The following SCAND3 variants were observed in gnomAD, a reference collection of about 807,000 sequenced individuals.
SCAND3 encodes SCAN domain containing 3, also known as SCAN domain-containing protein 3.
chr6:28,589,247 C>G, the SCAND3 span: 1 of 152,216 alleles, frequency 6.6e-6, no homozygotes, highest in African/African-American at 2.4e-5. Flanking sequence ...TCTTCAGCAG[C>G]AAAGCGTCAG....
the SCAND3 span, among the ~76,000 whole-genome samples, chr6:28,593,858 C>T: frequency 6.3e-3 from 963 of 152,226 alleles, 7 homozygotes; most frequent in Middle Eastern, 0.017. Flanking sequence ...GCATGCGCCA[C>T]CATTCCCCGC....
chr6:28,595,813 G>A, the SCAND3 span, among the ~76,000 whole-genome samples: 1 of 152,042 alleles, frequency 6.6e-6, no homozygotes, highest in South Asian at 2.1e-4. Context: ...ACCAACATAG[G>A]AAACATCTGA....
the SCAND3 span, among the ~76,000 whole-genome samples, chr6:28,595,325 A>T: frequency 8.9e-6 from 1 of 112,984 alleles, no homozygotes. Flanking sequence ...AGCAAAACCC[A>T]GTCTCAAAAA....
At chr6:28,612,263 T>C in the SCAND3 span, among the ~76,000 whole-genome samples, 49 of 152,148 alleles carry the variant, frequency 3.2e-4, no homozygotes, top group South Asian at 6.6e-3. Context: ...TGGTCTCGAT[T>C]TCCTGAGCTC....
the SCAND3 span, among the ~76,000 whole-genome samples, chr6:28,595,353 A>AAAG: frequency 2.3e-3 from 329 of 144,648 alleles, 1 homozygote; most frequent in Non-Finnish European, 4.0e-3. Context: ...AAAAAAAAAA[A>AAAG]AAGAAGAAGA....
At chr6:28,615,592 C>A in the SCAND3 span, among the ~76,000 whole-genome samples, 1 of 85,486 alleles carries the variant, frequency 1.2e-5, no homozygotes, top group African/African-American at 4.2e-5. Context: ...CAGAGAGAGA[C>A]TCCATCTCAA....
At chr6:28,613,568 G>C in the SCAND3 span, among the ~76,000 whole-genome samples, 1 of 152,104 alleles carries the variant, frequency 6.6e-6, no homozygotes, top group African/African-American at 2.4e-5. Flanking sequence ...CTTCAATTCA[G>C]TGGACATGTA....
the SCAND3 span, among the ~76,000 whole-genome samples, chr6:28,595,373 A>G: frequency 6.7e-6 from 1 of 149,520 alleles, no homozygotes. Context: ...AAGAAGAAGA[A>G]GAGGACGAGG....
chr6:28,607,201 T>G, the SCAND3 span, among the ~76,000 whole-genome samples: 2 of 152,132 alleles, frequency 1.3e-5, no homozygotes, highest in Non-Finnish European at 2.9e-5. Flanking sequence ...ATGTACGAGG[T>G]CCCGGGTTCA....
the SCAND3 span, chr6:28,586,254 T>C: frequency 6.6e-7 from 1 of 1,509,164 alleles, no homozygotes; most frequent in African/African-American, 1.4e-5. The surrounding 1 kb of genome is among the most constrained non-coding windows in gnomAD (Gnocchi z 4.4). Flanking sequence ...TCTGGATCCA[T>C]GCACCCAAAT....
the SCAND3 span, among the ~76,000 whole-genome samples, chr6:28,576,719 T>C: frequency 6.6e-6 from 1 of 151,726 alleles, no homozygotes; most frequent in Non-Finnish European, 1.5e-5. Flanking sequence ...CTGTTTTATG[T>C]AAAATAGGAT....
At chr6:28,586,689 G>T in the SCAND3 span, 1 of 1,613,886 alleles carries the variant, frequency 6.2e-7, no homozygotes, top group South Asian at 1.1e-5. The surrounding 1 kb of genome is among the most constrained non-coding windows in gnomAD (Gnocchi z 4.4). Flanking sequence ...GCCAGCCAAG[G>T]CTGGGAAGAC....
the SCAND3 span, among the ~76,000 whole-genome samples, chr6:28,613,938 G>C: frequency 6.6e-6 from 1 of 151,776 alleles, no homozygotes; most frequent in African/African-American, 2.4e-5. Flanking sequence ...TCACAGGGGC[G>C]GTTTAACAAT....
chr6:28,585,914 T>C, the SCAND3 span, among the ~76,000 whole-genome samples: 1 of 152,186 alleles, frequency 6.6e-6, no homozygotes, highest in East Asian at 1.9e-4. Flanking sequence ...ATGAAGACAT[T>C]AATGTCCCAG....
chr6:28,595,310 G>A, the SCAND3 span, among the ~76,000 whole-genome samples: 2 of 103,532 alleles, frequency 1.9e-5, no homozygotes, highest in Non-Finnish European at 3.5e-5. Flanking sequence ...CAGCCTCGGT[G>A]TTAGAGCAAA....
chr6:28,613,585 C>G, the SCAND3 span, among the ~76,000 whole-genome samples: 4 of 152,176 alleles, frequency 2.6e-5, no homozygotes, highest in Non-Finnish European at 4.4e-5. Flanking sequence ...TGTACAGGCA[C>G]ATGTAATGCT....
the SCAND3 span, among the ~76,000 whole-genome samples, chr6:28,593,298 A>T: frequency 6.6e-6 from 1 of 152,068 alleles, no homozygotes. Flanking sequence ...CAATACATAT[A>T]AAAAAAAGAT....
chr6:28,601,626 C>T, the SCAND3 span, among the ~76,000 whole-genome samples: 2 of 152,082 alleles, frequency 1.3e-5, no homozygotes, highest in Non-Finnish European at 2.9e-5. Flanking sequence ...CTCAAATGAT[C>T]CTCTCACCTC....
chr6:28,615,804 T>C, the SCAND3 span, among the ~76,000 whole-genome samples: 1 of 152,062 alleles, frequency 6.6e-6, no homozygotes, highest in Non-Finnish European at 1.5e-5. Context: ...TGAACAAACG[T>C]GTATGTGTCT....
Sources: allele counts gnomAD v4.1 joint callset (sites outside exome capture counted in the v4.1 genomes callset), GRCh38; gene constraint gnomAD v4.1.1; non-coding constraint Gnocchi (gnomAD v3.1); transcripts MANE v1.5; gene names NCBI Gene and HGNC (gene_info 2026-07-23, HGNC 2026-07-21).